DRC10: variants seen among roughly 807,000 people sequenced by gnomAD.
DRC10 encodes dynein regulatory complex subunit 10, also known as IQ domain-containing protein D.
the DRC10 span, chr12:113,208,310 G>A: frequency 7.0e-7 from 1 of 1,434,538 alleles, no homozygotes; most frequent in Non-Finnish European, 9.1e-7. Context: ...CATCTGTGTG[G>A]TTAGTGTGGC....
chr12:113,214,195 C>G, the DRC10 span, among the ~76,000 whole-genome samples: 1 of 152,078 alleles, frequency 6.6e-6, no homozygotes, highest in African/African-American at 2.4e-5. Context: ...AACTACTATA[C>G]AGTAGGTGCT....
chr12:113,214,112 C>T, the DRC10 span, among the ~76,000 whole-genome samples: 3 of 152,088 alleles, frequency 2.0e-5, no homozygotes, highest in Non-Finnish European at 4.4e-5. Flanking sequence ...CTGAGGCTTT[C>T]AAGTCTAGGG....
the DRC10 span, among the ~76,000 whole-genome samples, chr12:113,209,686 A>C: frequency 6.6e-6 from 1 of 152,238 alleles, no homozygotes; most frequent in Non-Finnish European, 1.5e-5. Flanking sequence ...GCCGGGCCTA[A>C]TTTTGTGGTT....
the DRC10 span, chr12:113,208,411 T>C: frequency 3.1e-6 from 4 of 1,285,234 alleles, no homozygotes; most frequent in Non-Finnish European, 4.0e-6. Context: ...GTTTTCAGCT[T>C]TGTGAGGGTG....
the DRC10 span, among the ~76,000 whole-genome samples, chr12:113,210,146 T>C: frequency 6.6e-6 from 1 of 152,156 alleles, no homozygotes; most frequent in South Asian, 2.1e-4. Context: ...AAAAGATAGA[T>C]AGACAAATAA....
At chr12:113,203,929 C>T in the DRC10 span, among the ~76,000 whole-genome samples, 1 of 151,728 alleles carries the variant, frequency 6.6e-6, no homozygotes, top group East Asian at 1.9e-4. Flanking sequence ...GCCAGACACC[C>T]CATCTCTAAA....
At chr12:113,215,254 G>A in the DRC10 span, among the ~76,000 whole-genome samples, 15 of 152,348 alleles carry the variant, frequency 9.8e-5, no homozygotes, top group South Asian at 1.2e-3. Context: ...CTTCCTGGCT[G>A]TGTGGCTTTG....
chr12:113,198,540 C>A, the DRC10 span, among the ~76,000 whole-genome samples: 1 of 152,158 alleles, frequency 6.6e-6, no homozygotes, highest in Non-Finnish European at 1.5e-5. Flanking sequence ...ACAACGGCCA[C>A]AGAAGATTCC....
At chr12:113,219,024 G>A in the DRC10 span, among the ~76,000 whole-genome samples, 12 of 151,974 alleles carry the variant, frequency 7.9e-5, no homozygotes, top group Admixed American at 1.3e-4. Flanking sequence ...TTATGTGTAA[G>A]TTTATTTTTT....
chr12:113,205,048 G>A, the DRC10 span, among the ~76,000 whole-genome samples: 1 of 152,018 alleles, frequency 6.6e-6, no homozygotes, highest in South Asian at 2.1e-4. Flanking sequence ...TTGGTGTTAA[G>A]TTCTCCTGTA....
the DRC10 span, among the ~76,000 whole-genome samples, chr12:113,203,468 C>CCCCTT: frequency 3.3e-5 from 5 of 149,642 alleles, no homozygotes; most frequent in South Asian, 2.1e-4. Flanking sequence ...CCCCTCCCCA[C>CCCCTT]CCCTTCCCTT....
At chr12:113,200,148 T>A in the DRC10 span, 1 of 339,666 alleles carries the variant, frequency 2.9e-6, no homozygotes, top group East Asian at 8.1e-5. Context: ...TGTTAGCATT[T>A]TCATTTCTGA....
chr12:113,220,866 G>A, the DRC10 span: 4 of 253,048 alleles, frequency 1.6e-5, no homozygotes, highest in Admixed American at 4.2e-5. Flanking sequence ...CAGGAGCTGA[G>A]GGACAGGGTC....
At chr12:113,205,331 A>C in the DRC10 span, among the ~76,000 whole-genome samples, 372 of 151,224 alleles carry the variant, frequency 2.5e-3, 1 homozygote, top group Middle Eastern at 6.9e-3. Flanking sequence ...TCAGGAGTTC[A>C]AGACCAGCCT....
chr12:113,199,273 A>G, the DRC10 span, among the ~76,000 whole-genome samples: 1 of 152,110 alleles, frequency 6.6e-6, no homozygotes, highest in Non-Finnish European at 1.5e-5. Flanking sequence ...ACGTGGTGAC[A>G]TGCCCCAGCG....
the DRC10 span, among the ~76,000 whole-genome samples, chr12:113,197,182 G>A: frequency 6.7e-6 from 1 of 148,284 alleles, no homozygotes; most frequent in East Asian, 2.0e-4. Context: ...GGCCCTTCTA[G>A]CCAGTCGCTT....
the DRC10 span, among the ~76,000 whole-genome samples, chr12:113,219,882 C>T: frequency 6.6e-6 from 1 of 152,110 alleles, no homozygotes; most frequent in Admixed American, 6.5e-5. Context: ...GATCTCGGCT[C>T]GCTGCAACCT....
the DRC10 span, among the ~76,000 whole-genome samples, chr12:113,214,107 G>A: frequency 1.3e-5 from 2 of 152,200 alleles, no homozygotes; most frequent in African/African-American, 4.8e-5. Context: ...TTTATCTGAG[G>A]CTTTCAAGTC....
chr12:113,213,394 C>T, the DRC10 span, among the ~76,000 whole-genome samples: 15 of 152,236 alleles, frequency 9.9e-5, no homozygotes, highest in Non-Finnish European at 1.8e-4. Flanking sequence ...CATCCTCATC[C>T]GGATCTCATT....
Sources: gnomAD v4.1 joint callset for allele counts (sites outside exome capture counted in the v4.1 genomes callset) on GRCh38, gnomAD v4.1.1 for gene constraint, MANE v1.5 for transcripts, NCBI Gene and HGNC (gene_info 2026-07-23, HGNC 2026-07-21) for gene names.